Variants in DST observed in about 807,000 individuals in gnomAD.
The protein encoded by DST is bullous pemphigoid antigen.
A neutral mutation model predicts 875.2 loss-of-function variants in DST; 253 were observed. That is an observed-to-expected ratio of 0.29 (90% confidence interval 0.26 to 0.32). The LOEUF (loss-of-function observed/expected upper bound fraction) is 0.32. Among genes scored for constraint, DST ranks in the 10% least tolerant of loss-of-function variants. The probability of loss-of-function intolerance (pLI) is 1.00; values close to 1 mark genes in which losing one functional copy is unlikely to be tolerated. For synonymous variants in DST, 3,124 were observed against 3,197.1 expected (o/e 0.98, Z 0.77); for missense variants, 8,287 against 9,111.6 (o/e 0.91, Z 3.68).
At chr6:56,703,186 C>T (rs957093727) in intron 7 of DST, among the ~76,000 whole-genome samples, 2 of 152,018 alleles carry the variant, frequency 1.3e-5, no homozygotes, top group Non-Finnish European at 2.9e-5. Flanking sequence ...ATACCTATTG[C>T]CAAGAGGTGT....
intron 5 of DST, among the ~76,000 whole-genome samples, chr6:56,716,074 G>C (rs1408675037): frequency 2.0e-5 from 3 of 152,218 alleles, no homozygotes; most frequent in African/African-American, 7.2e-5. Context: ...CAAAAAGGAA[G>C]CTTGCCCTCC....
intron 69 of DST, 33 bp downstream of exon 69, chr6:56,526,328 T>A: frequency 3.7e-6 from 6 of 1,607,606 alleles, no homozygotes; most frequent in Non-Finnish European, 5.1e-6. Context: ...TGGAGAAAAT[T>A]TATTGCCTAA....
At chr6:56,643,329 G>C (rs575036356) in intron 15 of DST, among the ~76,000 whole-genome samples, 1 of 152,322 alleles carries the variant, frequency 6.6e-6, no homozygotes, top group African/African-American at 2.4e-5. Flanking sequence ...AATTTGATGA[G>C]AAGCAAAGTA....
intron 89 of DST, chr6:56,482,405 A>G: frequency 1.8e-6 from 1 of 554,706 alleles, no homozygotes; most frequent in Non-Finnish European, 2.9e-6. Context: ...CCACTTTAAC[A>G]ACTTGATTTT....
intron 36 of DST, among the ~76,000 whole-genome samples, chr6:56,623,357 T>A (rs929232762): frequency 6.6e-6 from 1 of 152,158 alleles, no homozygotes. Context: ...TAAAATGGAA[T>A]AAGATCTCTC....
At chr6:56,871,530 A>G in intron 3 of DST, 1 of 1,297,226 alleles carries the variant, frequency 7.7e-7, no homozygotes, top group Non-Finnish European at 1.1e-6. Context: ...TTCTCTGGTC[A>G]TTGAGCATAT....
rs536093012 is a variant in DST at position 56,568,631 on chromosome 6, A to G, written c.13879-36T>C. On this transcript the variant is annotated intron_variant, in intron 54 of 103. Transcript: ENST00000680361. Reference sequence around the variant, plus strand: ...AAAAACACATTATTTTTCCATCTTAATATTTTCAGAGTTGCACATTATAAT... The same window carrying G: ...AAAAACACATTATTTTTCCATCTTAGTATTTTCAGAGTTGCACATTATAAT... 30 of 1,516,694 alleles carry G rather than the reference A, an allele frequency of 2.0e-5. No homozygotes were observed. In the Middle Eastern group the frequency reaches 1.3e-3, roughly 67 times the overall value. 94.0% of individuals were successfully genotyped at this position (1,516,694 alleles called of 1,614,324 possible).
At position 56,593,929 on chromosome 6, in the gene DST, C is replaced by CTGA; in HGVS notation, c.12457_12459dup (p.Ser4153dup). On this transcript the variant is annotated inframe_insertion, in exon 48 of 104. Coordinates refer to ENST00000680361, the MANE Select transcript of DST (RefSeq NM_001374736.1). The stretch of plus-strand genomic sequence containing the variant: ...GCCTCCAGGTTTTCAAGTTCTTGTT[C>CTGA]TGACTGCTGTAGCCAGTGCTCAAAC... 1 of 1,613,756 alleles carries CTGA rather than the reference C, an allele frequency of 6.2e-7. No homozygotes were observed.
intron 10 of DST, 74 bp downstream of exon 10, chr6:56,670,567 G>C: frequency 9.6e-7 from 1 of 1,037,904 alleles, no homozygotes; most frequent in Non-Finnish European, 1.3e-6. Context: ...AATAATAAAA[G>C]ATAATTTTAA....
intron 2 of DST, among the ~76,000 whole-genome samples, chr6:56,942,756 C>T (rs1817320903): frequency 6.8e-6 from 1 of 146,418 alleles, no homozygotes; most frequent in Admixed American, 6.9e-5. Flanking sequence ...TGCTCTGCTG[C>T]CCAGGCTAGA....
At chr6:56,935,301 G>A (rs1011772431) in intron 2 of DST, among the ~76,000 whole-genome samples, 4 of 152,142 alleles carry the variant, frequency 2.6e-5, no homozygotes, top group Non-Finnish European at 5.9e-5. Flanking sequence ...CCCCACAACC[G>A]TTTTTAAAAC....
At chr6:56,777,622 C>T (rs553360219) in intron 4 of DST, among the ~76,000 whole-genome samples, 1 of 151,992 alleles carries the variant, frequency 6.6e-6, no homozygotes, top group African/African-American at 2.4e-5. Context: ...CCAAAAGGCA[C>T]AAGAAGGCAT....
At chr6:56,611,461 G>A (rs868742032) in intron 38 of DST, 47 bp downstream of exon 38, 1 of 1,368,100 alleles carries the variant, frequency 7.3e-7, no homozygotes. Context: ...AAGCTTTTAA[G>A]AATACTTCCC....
chr6:56,847,233 T>A (rs1397206640), intron 4 of DST, among the ~76,000 whole-genome samples: 2 of 152,138 alleles, frequency 1.3e-5, no homozygotes, highest in Non-Finnish European at 2.9e-5. Flanking sequence ...AGTGGGAGGA[T>A]CCCTTGAGTC....
chr6:56,548,343 C>G (rs1412580141), intron 61 of DST, among the ~76,000 whole-genome samples: 14 of 152,170 alleles, frequency 9.2e-5, no homozygotes, highest in Non-Finnish European at 4.4e-5. Flanking sequence ...ACAGATTTAG[C>G]TAGGACTCAT....
At chr6:56,487,388 T>C in intron 86 of DST, 115 bp from the exon 87 acceptor site, 3 of 924,502 alleles carry the variant, frequency 3.2e-6, no homozygotes, top group Non-Finnish European at 4.5e-6. Context: ...GCTTTCTGAC[T>C]TATAATGACT....
Position 56,532,380 on chromosome 6 carries a change from C to T in DST, c.17072G>A (p.Ser5691Asn), listed in dbSNP as rs2096911357. Residue 5691 changes from serine (S) to asparagine (N), a missense_variant, in exon 64 of 104, where the codon AGC becomes AAC. Ser to Asn is a conservative substitution (Grantham distance 46, BLOSUM62 1). Coordinates refer to ENST00000680361, the MANE Select transcript of DST (RefSeq NM_001374736.1). The part of the protein sequence containing the change: ...KILKQLSLLD[S>N]RWEALLNKAE... ...TTTATTAAGCAATGCCTCCCATCTG[C>T]TATCCAAGAGACTGAGCTGTTTCAA... The T allele has an allele frequency of 1.2e-6, 2 of 1,613,666 alleles. No individual in the cohort carries two copies. The highest frequency in any genetic ancestry group is 1.7e-6 in the Non-Finnish European group (2 of 1,179,694).
chr6:56,592,211 T>C lies in DST; in HGVS notation c.12874A>G (p.Asn4292Asp). 1 of 1,613,650 alleles carries C rather than the reference T, an allele frequency of 6.2e-7. No individual in the cohort carries two copies. Among genetic ancestry groups the C allele is most frequent in the Middle Eastern group, 1.6e-4 (1 of 6,062 alleles). The change falls in exon 49 of 104, where the codon AAT becomes GAT. Residue 4292 changes from asparagine (N) to aspartate (D), a missense_variant. Coordinates refer to ENST00000680361, the MANE Select transcript of DST (RefSeq NM_001374736.1). ...LSEPIAVDPK[N>D]LQRQLEETKA... ...GTCTCTTCTAATTGCCTTTGAAGAT[T>C]TTTGGGGTCCACCGCAATAGGTTCA... is the stretch of plus-strand genomic sequence containing the variant.
intron 72 of DST, among the ~76,000 whole-genome samples, chr6:56,513,403 T>C (rs2152481969): frequency 6.6e-6 from 1 of 152,316 alleles, no homozygotes; most frequent in Non-Finnish European, 1.5e-5. Flanking sequence ...ACTGATTTTG[T>C]ATTTTTAGTA....
Sources: gnomAD v4.1 joint callset for allele counts (sites outside exome capture counted in the v4.1 genomes callset) on GRCh38, gnomAD v4.1.1 for gene constraint, MANE v1.5 for transcripts, NCBI Gene and HGNC (gene_info 2026-07-23, HGNC 2026-07-21) for gene names.